The following GDPD4 variants were observed in gnomAD, a reference collection of about 807,000 sequenced individuals.
The protein encoded by GDPD4 is glycerophosphodiester phosphodiesterase domain containing 4, also known as glycerophosphodiester phosphodiesterase 6.
GDPD4 carries 60 observed loss-of-function variants against 67.8 expected under a neutral mutation model. The ratio of observed to expected loss-of-function variants is 0.88; its 90% CI spans 0.72 to 1.10. The LOEUF (loss-of-function observed/expected upper bound fraction) is 1.10, where lower values mean the gene tolerates loss of function less well. GDPD4 is among the 50% of genes least tolerant of loss of function. GDPD4 has a pLI of 0.00. For synonymous variants in GDPD4, 212 were observed against 210.9 expected (o/e 1.00, Z -0.04); for missense variants, 623 against 613.9 (o/e 1.01, Z -0.16).
intron 16 of GDPD4, among the ~76,000 whole-genome samples, chr11:77,219,265 G>C (rs968580986): frequency 6.6e-6 from 1 of 152,274 alleles, no homozygotes; most frequent in East Asian, 1.9e-4. Context: ...TAAGTTCTTT[G>C]TAGATTCCAG....
intron 13 of GDPD4, among the ~76,000 whole-genome samples, chr11:77,235,757 C>A (rs1355557323): frequency 2.0e-5 from 3 of 152,172 alleles, no homozygotes; most frequent in Non-Finnish European, 1.5e-5. Flanking sequence ...GAGTTTGAGA[C>A]CAGCCTGGCA....
chr11:77,220,304 T>C (rs1230812398), intron 16 of GDPD4, among the ~76,000 whole-genome samples: 1 of 152,220 alleles, frequency 6.6e-6, no homozygotes. Context: ...AAGGGAATGC[T>C]TCCAGTTTTT....
chr11:77,264,424 T>A, intron 10 of GDPD4, among the ~76,000 whole-genome samples: 1 of 151,840 alleles, frequency 6.6e-6, no homozygotes, highest in African/African-American at 2.4e-5. Context: ...ATCACAAATC[T>A]CAAAAATTCC....
chr11:77,269,329 T>C (rs963540686), intron 8 of GDPD4, among the ~76,000 whole-genome samples: 1 of 152,134 alleles, frequency 6.6e-6, no homozygotes, highest in African/African-American at 2.4e-5. Flanking sequence ...AGGGCTCAAC[T>C]GTACAGGGGA....
chr11:77,230,318 G>A (rs923171655), intron 14 of GDPD4, among the ~76,000 whole-genome samples: 11 of 152,168 alleles, frequency 7.2e-5, no homozygotes, highest in African/African-American at 2.2e-4. Context: ...TATTGTAATA[G>A]TGCAATGTAA....
intron 13 of GDPD4, among the ~76,000 whole-genome samples, chr11:77,234,219 T>C (rs371124935): frequency 5.3e-5 from 8 of 152,210 alleles, no homozygotes; most frequent in African/African-American, 1.9e-4. Flanking sequence ...AGCAATTAGT[T>C]ATCCAATATG....
At chr11:77,247,794 G>A (rs1271116864) in intron 11 of GDPD4, among the ~76,000 whole-genome samples, 2 of 152,156 alleles carry the variant, frequency 1.3e-5, no homozygotes, top group Non-Finnish European at 2.9e-5. Flanking sequence ...GCTCACGCCT[G>A]TAATCCCAGC....
At chr11:77,236,738 A>G (rs1282536587) in intron 13 of GDPD4, among the ~76,000 whole-genome samples, 1 of 152,224 alleles carries the variant, frequency 6.6e-6, no homozygotes, top group Non-Finnish European at 1.5e-5. Flanking sequence ...AAACACACAC[A>G]CACACACACA....
intron 11 of GDPD4, among the ~76,000 whole-genome samples, chr11:77,257,644 C>T (rs1959030844): frequency 6.6e-6 from 1 of 151,592 alleles, no homozygotes; most frequent in South Asian, 2.1e-4. Flanking sequence ...ACTGCCCTTG[C>T]TTCCCCTTGG....
chr11:77,223,812 C>T (rs567657011), intron 16 of GDPD4, among the ~76,000 whole-genome samples: 1 of 152,188 alleles, frequency 6.6e-6, no homozygotes, highest in Non-Finnish European at 1.5e-5. Context: ...GTGGAGTCTA[C>T]AGAGGCAGGG....
chr11:77,255,093 T>C (rs528954192), intron 11 of GDPD4, among the ~76,000 whole-genome samples: 1 of 152,256 alleles, frequency 6.6e-6, no homozygotes, highest in South Asian at 2.1e-4. Context: ...TCAGTAGCCA[T>C]TGAAGTAGGA....
Position 77,229,698 on chromosome 11 carries a change from T to A in GDPD4, c.1390-466A>T, listed in dbSNP as rs1255237954. Among the ~76,000 whole-genome samples the A allele has an allele frequency of 2.6e-5, 4 of 152,244 alleles. No individual in the cohort carries two copies. The East Asian group carries it at 7.7e-4, about 29-fold the overall frequency. ...TAAGGAATGAGAATCTCTGCATTTTTAACACATTCCCAGGTGATGCTGAAG... is the reference window on the plus strand; with the variant it reads ...TAAGGAATGAGAATCTCTGCATTTTAAACACATTCCCAGGTGATGCTGAAG... On this transcript the variant is annotated intron_variant, in intron 14 of 16. Transcript: ENST00000315938.
Position 77,271,359 on chromosome 11 carries a change from A to G in GDPD4, c.242T>C (p.Ile81Thr), listed in dbSNP as rs907305483. 2.5e-6 allele frequency: 4 copies of G among 1,613,844 alleles called. No homozygotes were observed. Among genetic ancestry groups the G allele is most frequent in the Middle Eastern group, 1.7e-4 (1 of 6,040 alleles). The change falls in exon 6 of 17, where the codon ATT becomes ACT. Residue 81 changes from isoleucine (I) to threonine (T), a missense_variant. By Grantham distance (89) the Ile-to-Thr change is moderately conservative (BLOSUM62 -1). Coordinates refer to ENST00000315938, the MANE Select transcript of GDPD4 (RefSeq NM_182833.3). Reference protein sequence around the residue: ...LILLVILLCVILMFIICKFWK... With the variant: ...LILLVILLCVTLMFIICKFWK... ...GAATTTGCATATAATGAACATTAAA[A>G]TGACACACAGAAGAATCACTAGCAG...
Position 77,279,325 on chromosome 11 carries a change from G to A in GDPD4, c.128C>T (p.Ala43Val), listed in dbSNP as rs747012694. 46 of 1,608,770 alleles carry A rather than the reference G, an allele frequency of 2.9e-5. 2 individuals carry two copies. In the South Asian group the frequency reaches 4.9e-4, roughly 17 times the overall value. The stretch of plus-strand genomic sequence containing the variant: ...ACTCACCAACAGCAATGAAGAGTAG[G>A]CAGTCAGGATCCTAGCTAAACTCAG... ...FILSLARILT[A>V]YSSLLLLLGF... Residue 43 changes from alanine (A) to valine (V), a missense_variant, in exon 4 of 17, where the codon GCC becomes GTC. Coordinates refer to ENST00000315938, the MANE Select transcript of GDPD4 (RefSeq NM_182833.3).
At chr11:77,262,250 A>G (rs963679181) in intron 10 of GDPD4, among the ~76,000 whole-genome samples, 1 of 152,190 alleles carries the variant, frequency 6.6e-6, no homozygotes, top group Non-Finnish European at 1.5e-5. Flanking sequence ...AGGCTACTAC[A>G]AAGCAGTTTC....
chr11:77,248,604 G>T (rs1467981364), intron 11 of GDPD4, among the ~76,000 whole-genome samples: 1 of 152,082 alleles, frequency 6.6e-6, no homozygotes, highest in African/African-American at 2.4e-5. Context: ...TTAAGTAGTG[G>T]GAGTATCTAA....
chr11:77,245,337 T>C lies in GDPD4; in HGVS notation c.1030A>G (p.Thr344Ala). The C allele has an allele frequency of 1.2e-6, 2 of 1,614,148 alleles. No individual in the cohort carries two copies. The highest frequency in any genetic ancestry group is 4.5e-5 in the East Asian group (2 of 44,876). ...ACGCTTACTACTTGGCGGACAAATG[T>C]GTGTCTGAGAGGATGTTTTGGTGGA... is the stretch of plus-strand genomic sequence containing the variant. ...RPPPKHPLRH[T>A]FVRQVVSVIL... Residue 344 changes from threonine to alanine, a missense_variant, in exon 12 of 17, where the codon ACA becomes GCA. Transcript: ENST00000315938.
At chr11:77,234,085 A>G (rs1958505217) in intron 13 of GDPD4, among the ~76,000 whole-genome samples, 2 of 152,168 alleles carry the variant, frequency 1.3e-5, no homozygotes, top group African/African-American at 4.8e-5. Context: ...GGTATGGCAT[A>G]TTGGAAACTG....
chr11:77,249,634 AAAT>A (rs1958850913), intron 11 of GDPD4, among the ~76,000 whole-genome samples: 1 of 152,236 alleles, frequency 6.6e-6, no homozygotes, highest in Non-Finnish European at 1.5e-5. Flanking sequence ...TGAGCCTAAC[AAAT>A]GGAAACCACT....
Sources: gnomAD v4.1 joint callset for allele counts (sites outside exome capture counted in the v4.1 genomes callset) on GRCh38, gnomAD v4.1.1 for gene constraint, MANE v1.5 for transcripts, NCBI Gene and HGNC (gene_info 2026-07-23, HGNC 2026-07-21) for gene names.